Variants in STK3 observed in about 807,000 individuals in gnomAD.
The protein encoded by STK3 is serine/threonine-protein kinase 3.
Under a neutral mutation model 58.0 loss-of-function variants are expected in STK3, and 41 were observed. That is an observed-to-expected ratio of 0.71 (90% CI 0.55 to 0.92). STK3 has a LOEUF of 0.92. STK3 is among the 40% of genes least tolerant of loss of function. The pLI is 0.00. For synonymous variants in STK3, 170 were observed against 191.0 expected (o/e 0.89, Z 0.91); for missense variants, 479 against 602.7 (o/e 0.79, Z 2.15).
chr8:98,871,477 A>G (rs1411229716), intron 3 of STK3, among the ~76,000 whole-genome samples: 2 of 152,262 alleles, frequency 1.3e-5, no homozygotes, highest in African/African-American at 4.8e-5. Context: ...ATCCACAAGC[A>G]TGGAATATTC....
chr8:98,805,662 C>G (rs1833851287), intron 1 of STK3, among the ~76,000 whole-genome samples: 2 of 151,994 alleles, frequency 1.3e-5, no homozygotes, highest in Admixed American at 6.5e-5. Context: ...AAGAAATAGA[C>G]AGTAGAACAC....
chr8:98,415,596 C>T (rs1818106844), intron 3 of STK3, among the ~76,000 whole-genome samples: 1 of 152,220 alleles, frequency 6.6e-6, no homozygotes. Flanking sequence ...TAATCCCACT[C>T]TTATTCTGAC....
At chr8:98,684,926 G>C (rs1182702862) in intron 6 of STK3, among the ~76,000 whole-genome samples, 1 of 152,118 alleles carries the variant, frequency 6.6e-6, no homozygotes, top group Non-Finnish European at 1.5e-5. Context: ...TCACAAATAA[G>C]GAAAATAAGT....
intron 6 of STK3, among the ~76,000 whole-genome samples, chr8:98,661,578 T>A (rs1013669402): frequency 6.6e-6 from 1 of 151,940 alleles, no homozygotes; most frequent in African/African-American, 2.4e-5. Context: ...AAAAATCAGA[T>A]CCCACCATTC....
intron 1 of STK3, among the ~76,000 whole-genome samples, chr8:98,820,405 G>A (rs776552948): frequency 1.2e-4 from 19 of 152,026 alleles, no homozygotes; most frequent in Middle Eastern, 3.2e-3. Flanking sequence ...CTTAATCAAC[G>A]AATTACACAT....
chr8:98,866,562 G>A (rs2131863382), intron 3 of STK3, among the ~76,000 whole-genome samples: 1 of 152,306 alleles, frequency 6.6e-6, no homozygotes, highest in Admixed American at 6.5e-5. Context: ...AAGGTGAGTA[G>A]GAACGCTGGA....
At chr8:98,358,181 A>G in the STK3 span, among the ~76,000 whole-genome samples, 12 of 152,298 alleles carry the variant, frequency 7.9e-5, no homozygotes, top group East Asian at 2.3e-3. Context: ...TCAGCAGCTG[A>G]TTCAGCTTAA....
In STK3 at chr8:98,537,910, C is replaced by T. The variant is rs543933954; in HGVS notation, c.1141+10059G>A. On this transcript the variant is annotated intron_variant, in intron 9 of 10. Transcript: ENST00000419617. ...AACTAAATTGTGAGAAATATAATAC[C>T]GTAGAAAATACGTCAGTCCACCCAC... 5.9e-5 allele frequency among the ~76,000 whole-genome samples: 9 copies of T among 152,100 alleles called. No homozygotes were observed. In the East Asian group the frequency reaches 1.7e-3, roughly 29 times the overall value.
chr8:98,659,776 C>A (rs1372470374), intron 6 of STK3, among the ~76,000 whole-genome samples: 2 of 151,412 alleles, frequency 1.3e-5, no homozygotes, highest in African/African-American at 4.8e-5. Flanking sequence ...ATTAACATAG[C>A]AATACATAAG....
intron 3 of STK3, among the ~76,000 whole-genome samples, chr8:98,423,705 A>G (rs1322619844): frequency 1.3e-5 from 2 of 152,188 alleles, no homozygotes; most frequent in South Asian, 2.1e-4. Flanking sequence ...CAAGGACCCA[A>G]CTGTTCCTCA....
intron 7 of STK3, among the ~76,000 whole-genome samples, chr8:98,594,135 T>C (rs1815591773): frequency 6.6e-6 from 1 of 152,092 alleles, no homozygotes; most frequent in African/African-American, 2.4e-5. Flanking sequence ...TGGCGAATCC[T>C]GTCTCTACGA....
At chr8:98,725,836 T>C (rs1827760213) in intron 4 of STK3, among the ~76,000 whole-genome samples, 1 of 152,316 alleles carries the variant, frequency 6.6e-6, no homozygotes, top group East Asian at 1.9e-4. Flanking sequence ...CATGTTTTTT[T>C]CCCACAAGAA....
chr8:98,414,363 T>A (rs1458050149), intron 3 of STK3, among the ~76,000 whole-genome samples: 1 of 152,240 alleles, frequency 6.6e-6, no homozygotes, highest in Non-Finnish European at 1.5e-5. Flanking sequence ...TTGGTCCTTA[T>A]AACTGACTCA....
chr8:98,626,178 A>C (rs1332165519), intron 6 of STK3, among the ~76,000 whole-genome samples: 3 of 152,258 alleles, frequency 2.0e-5, no homozygotes, highest in African/African-American at 7.2e-5. Flanking sequence ...AAGCCTTAAC[A>C]GAAGCCTGAG....
At chr8:98,434,535 A>G (rs1364780334) in intron 2 of STK3, among the ~76,000 whole-genome samples, 1 of 152,194 alleles carries the variant, frequency 6.6e-6, no homozygotes, top group East Asian at 1.9e-4. Context: ...GCAGGTCTGA[A>G]ACTCTGCAAC....
At chr8:98,522,729 C>T (rs1018212921) in intron 10 of STK3, among the ~76,000 whole-genome samples, 1 of 152,042 alleles carries the variant, frequency 6.6e-6, no homozygotes, top group Non-Finnish European at 1.5e-5. Flanking sequence ...CCGTGAGAAC[C>T]AACATTTTAT....
chr8:98,352,443 C>G, the STK3 span, among the ~76,000 whole-genome samples: 1 of 152,138 alleles, frequency 6.6e-6, no homozygotes, highest in Non-Finnish European at 1.5e-5. Flanking sequence ...CCAAAATACT[C>G]CAGAATCCAA....
chr8:98,346,495 A>G, the STK3 span, among the ~76,000 whole-genome samples: 1 of 151,974 alleles, frequency 6.6e-6, no homozygotes, highest in Admixed American at 6.5e-5. Context: ...AGTAAAAGAA[A>G]CATGAAGAAA....
At chr8:98,912,419 C>G (rs1001307403) in intron 1 of STK3, among the ~76,000 whole-genome samples, 33 of 147,894 alleles carry the variant, frequency 2.2e-4, no homozygotes, top group Non-Finnish European at 4.0e-4. Flanking sequence ...AAAAAAAAAA[C>G]TTTATCTTGA....
Sources: gnomAD v4.1 joint callset for allele counts (sites outside exome capture counted in the v4.1 genomes callset) on GRCh38, gnomAD v4.1.1 for gene constraint, MANE v1.5 for transcripts, NCBI Gene and HGNC (gene_info 2026-07-23, HGNC 2026-07-21) for gene names.